THSD7B: variants seen among roughly 807,000 people sequenced by gnomAD.
THSD7B encodes thrombospondin type-1 domain-containing protein 7B.
In THSD7B, 138 loss-of-function variants were observed where a neutral mutation model predicts 213.6. That is an observed-to-expected ratio of 0.65 (90% CI 0.56 to 0.74). The LOEUF (loss-of-function observed/expected upper bound fraction) is 0.74. Ranked by LOEUF, THSD7B falls within the 30% of genes least tolerant of loss-of-function variation. THSD7B has a pLI of 0.00. For synonymous variants in THSD7B, 742 were observed against 687.0 expected, an observed-to-expected ratio of 1.08 and a Z score of -1.25; for missense variants, 1,931 against 1,991.5, an observed-to-expected ratio of 0.97 and a Z score of 0.58.
intron 1 of THSD7B, among the ~76,000 whole-genome samples, chr2:136,868,120 G>GCGCACACA (rs147404553): frequency 6.7e-6 from 1 of 149,168 alleles, no homozygotes; most frequent in East Asian, 2.0e-4. Flanking sequence ...ACACGCGCGC[G>GCGCACACA]CACACACACA....
At chr2:137,486,519 C>T (rs2105114269) in intron 15 of THSD7B, among the ~76,000 whole-genome samples, 1 of 150,808 alleles carries the variant, frequency 6.6e-6, no homozygotes, top group African/African-American at 2.4e-5. Context: ...TACAAAGAGA[C>T]TTAGACTCCC....
intron 1 of THSD7B, among the ~76,000 whole-genome samples, chr2:136,868,524 A>G (rs2104978927): frequency 6.6e-6 from 1 of 152,330 alleles, no homozygotes; most frequent in African/African-American, 2.4e-5. Context: ...ATGCATAATT[A>G]ATCAAGAGAA....
chr2:137,306,413 C>A (rs1191673137), intron 12 of THSD7B, among the ~76,000 whole-genome samples: 1 of 152,036 alleles, frequency 6.6e-6, no homozygotes, highest in Non-Finnish European at 1.5e-5. Flanking sequence ...TTTAGGTAGC[C>A]TGTTTTTGTG....
In THSD7B at chr2:137,404,168, C is replaced by T. The variant is rs192599497; in HGVS notation, c.2501-1445C>T. Among the ~76,000 whole-genome samples the T allele has an allele frequency of 7.5e-4, 113 of 151,464 alleles. 1 individual carries two copies. Among genetic ancestry groups the T allele is most frequent in the Admixed American group, 1.6e-3 (25 of 15,188 alleles). ...ACCTCACGATTATTATTTTAAGGAA[C>T]GACTAGAGAGTTCCTAGTTGAAAAA... On this transcript the variant is annotated intron_variant, in intron 12 of 27. Coordinates refer to ENST00000409968, the MANE Select transcript of THSD7B (RefSeq NM_001316349.2).
At chr2:137,587,819 G>T (rs973775149) in intron 17 of THSD7B, among the ~76,000 whole-genome samples, 1 of 152,170 alleles carries the variant, frequency 6.6e-6, no homozygotes, top group East Asian at 1.9e-4. Context: ...TCCATTCTCC[G>T]ATCTCAAACT....
At chr2:137,300,296 G>A (rs1159161216) in intron 12 of THSD7B, among the ~76,000 whole-genome samples, 1 of 152,026 alleles carries the variant, frequency 6.6e-6, no homozygotes, top group Non-Finnish European at 1.5e-5. Context: ...TTTTTAATCA[G>A]CTGTAATGAA....
At chr2:137,101,512 G>C (rs1442426955) in intron 4 of THSD7B, among the ~76,000 whole-genome samples, 1 of 152,200 alleles carries the variant, frequency 6.6e-6, no homozygotes, top group Admixed American at 6.5e-5. Flanking sequence ...TCATATCCCA[G>C]TGGCACCTGG....
intron 6 of THSD7B, among the ~76,000 whole-genome samples, chr2:137,163,030 A>C (rs1680049215): frequency 6.6e-6 from 1 of 151,312 alleles, no homozygotes; most frequent in Admixed American, 6.6e-5. Context: ...TTTTCACAAA[A>C]CTCCTGTTAA....
intron 12 of THSD7B, among the ~76,000 whole-genome samples, chr2:137,398,215 G>A (rs1374147972): frequency 3.0e-4 from 45 of 150,130 alleles, no homozygotes; most frequent in East Asian, 5.9e-4. Flanking sequence ...GAGGAACTGC[G>A]TTCCTTTGGA....
intron 7 of THSD7B, among the ~76,000 whole-genome samples, chr2:137,227,780 T>C (rs1019078047): frequency 1.4e-4 from 21 of 152,170 alleles, no homozygotes; most frequent in Admixed American, 1.4e-3. Flanking sequence ...CTGTTAATTG[T>C]CATTTGTACA....
intron 12 of THSD7B, among the ~76,000 whole-genome samples, chr2:137,393,101 G>T (rs1228415018): frequency 3.4e-5 from 5 of 148,756 alleles, no homozygotes; most frequent in African/African-American, 1.2e-4. Flanking sequence ...TATGAAGCTT[G>T]ATCTTACTAG....
chr2:137,284,468 T>G (rs1464898313), intron 12 of THSD7B, among the ~76,000 whole-genome samples: 1 of 152,132 alleles, frequency 6.6e-6, no homozygotes, highest in Non-Finnish European at 1.5e-5. Context: ...CTCTTGCTTC[T>G]CTAGTTCTTT....
chr2:137,073,742 A>G (rs76371481), intron 3 of THSD7B, among the ~76,000 whole-genome samples: 14,706 of 147,814 alleles, frequency 0.099, 948 homozygotes, highest in African/African-American at 0.19. Context: ...ATTTCCCTCT[A>G]CACACTGCTT....
intron 15 of THSD7B, among the ~76,000 whole-genome samples, chr2:137,483,824 C>T (rs1275269552): frequency 1.3e-5 from 2 of 151,890 alleles, no homozygotes; most frequent in Non-Finnish European, 2.9e-5. Context: ...TATAACCTTA[C>T]GAATCATTTC....
At chr2:137,356,467 G>A (rs186651447) in intron 12 of THSD7B, among the ~76,000 whole-genome samples, 28 of 152,276 alleles carry the variant, frequency 1.8e-4, no homozygotes, top group African/African-American at 6.5e-4. Context: ...AGATGTCTGT[G>A]TTAGATTATT....
chr2:137,589,845 C>T lies in THSD7B; in HGVS notation c.3423+17289C>T, dbSNP rs143953538. Among the ~76,000 whole-genome samples the T allele has an allele frequency of 3.8e-3, 572 of 152,234 alleles. 2 individuals carry two copies. Among genetic ancestry groups the T allele is most frequent in the African/African-American group, 0.013 (543 of 41,526 alleles). On this transcript the variant is annotated intron_variant, in intron 17 of 27. Coordinates refer to ENST00000409968, the MANE Select transcript of THSD7B (RefSeq NM_001316349.2). Reference sequence around the variant, plus strand: ...TGGACATCCTTGCATTCCTGATTCACGCAGCAATGCCAAGTGCTTCACAAT... The same window carrying T: ...TGGACATCCTTGCATTCCTGATTCATGCAGCAATGCCAAGTGCTTCACAAT...
intron 2 of THSD7B, among the ~76,000 whole-genome samples, chr2:137,017,683 C>T (rs1686368040): frequency 6.6e-6 from 1 of 152,172 alleles, no homozygotes; most frequent in Non-Finnish European, 1.5e-5. Context: ...GTCTGTCACT[C>T]ATACAGGCTT....
intron 2 of THSD7B, among the ~76,000 whole-genome samples, chr2:136,970,564 T>C: frequency 6.6e-6 from 1 of 151,904 alleles, no homozygotes; most frequent in Admixed American, 6.6e-5. Context: ...AACTATCAAT[T>C]TGAGAAGTCC....
At chr2:136,851,933 C>CTA (rs35929047) in intron 1 of THSD7B, among the ~76,000 whole-genome samples, 129,714 of 148,098 alleles carry the variant, frequency 0.88, 57,620 homozygotes, top group Non-Finnish European at 0.95. Context: ...CAATACACAA[C>CTA]TATATATATA....
Sources: gnomAD v4.1 joint callset for allele counts (sites outside exome capture counted in the v4.1 genomes callset) on GRCh38, gnomAD v4.1.1 for gene constraint, MANE v1.5 for transcripts, NCBI Gene and HGNC (gene_info 2026-07-23, HGNC 2026-07-21) for gene names.